Variants in LIN7A observed in about 807,000 individuals in gnomAD.
The protein encoded by LIN7A is lin-7 cell polarity scaffold A, also known as protein lin-7 homolog A.
Under a neutral mutation model 29.8 loss-of-function variants are expected in LIN7A, and 25 were observed. That is an observed-to-expected ratio of 0.84 (90% CI 0.61 to 1.17). The LOEUF is 1.17. Ranked by LOEUF, LIN7A falls within the 50% of genes most tolerant of loss-of-function variation. LIN7A has a pLI of 0.00. For missense variants in LIN7A, 239 were observed against 287.0 expected (o/e 0.83, Z 1.21); for synonymous variants, 118 against 107.5 (o/e 1.10, Z -0.60).
At chr12:80,857,195 T>C (rs940064645) in intron 2 of LIN7A, among the ~76,000 whole-genome samples, 2 of 152,212 alleles carry the variant, frequency 1.3e-5, no homozygotes, top group African/African-American at 4.8e-5. Context: ...TTCCACCTTC[T>C]AGGCCAAGCC....
intron 4 of LIN7A, among the ~76,000 whole-genome samples, chr12:80,840,112 C>G (rs933270604): frequency 1.3e-5 from 2 of 151,892 alleles, no homozygotes; most frequent in South Asian, 4.2e-4. Flanking sequence ...CCATCAGTAC[C>G]AGTAAAATAT....
intron 1 of LIN7A, among the ~76,000 whole-genome samples, chr12:80,922,585 G>A (rs973715173): frequency 6.6e-6 from 1 of 152,150 alleles, no homozygotes; most frequent in African/African-American, 2.4e-5. Flanking sequence ...ATCAAAATAT[G>A]CTGGTACTTT....
At chr12:80,877,265 T>C (rs1304948335) in intron 2 of LIN7A, among the ~76,000 whole-genome samples, 2 of 152,052 alleles carry the variant, frequency 1.3e-5, no homozygotes, top group Admixed American at 6.6e-5. Flanking sequence ...AGTGATAACC[T>C]GGAAATAACT....
intron 1 of LIN7A, chr12:80,937,025 C>T (rs1245846945): frequency 6.6e-6 from 1 of 152,160 alleles, no homozygotes; most frequent in Non-Finnish European, 1.5e-5. Context: ...TGCTGGGGCT[C>T]GGCTCCCCGC....
intron 1 of LIN7A, among the ~76,000 whole-genome samples, chr12:80,890,893 T>C (rs551657312): frequency 6.6e-6 from 1 of 152,162 alleles, no homozygotes; most frequent in South Asian, 2.1e-4. Context: ...TGAGACCCTA[T>C]CTCTAAAACA....
intron 1 of LIN7A, among the ~76,000 whole-genome samples, chr12:80,901,087 A>G (rs1243669362): frequency 6.6e-6 from 1 of 152,178 alleles, no homozygotes; most frequent in African/African-American, 2.4e-5. Flanking sequence ...ACTTTTTTAG[A>G]AAATGAATAT....
chr12:80,795,756 G>A lies in LIN7A; in HGVS notation c.*1971C>T, dbSNP rs1870415746. Reference sequence around the variant, plus strand: ...TTGTTAAATGATAACTAAAATATATGTTTTATTAAATTTTTCTTATAAAAA... The same window carrying A: ...TTGTTAAATGATAACTAAAATATATATTTTATTAAATTTTTCTTATAAAAA... On this transcript the variant is annotated 3_prime_UTR_variant, in exon 6 of 6. Coordinates refer to ENST00000552864, the MANE Select transcript of LIN7A (RefSeq NM_004664.4). 6.6e-6 allele frequency: 1 copy of A among 152,028 alleles called. No individual in the cohort carries two copies. Among genetic ancestry groups the A allele is most frequent in the Non-Finnish European group, 1.5e-5 (1 of 67,960 alleles). 9.4% of individuals were successfully genotyped at this position (152,028 alleles called of 1,614,324 possible).
At chr12:80,890,785 C>G (rs796307754) in intron 1 of LIN7A, among the ~76,000 whole-genome samples, 2 of 152,098 alleles carry the variant, frequency 1.3e-5, no homozygotes, top group African/African-American at 4.8e-5. Context: ...AATAAGGTAC[C>G]AAGCTGAGAT....
intron 5 of LIN7A, among the ~76,000 whole-genome samples, chr12:80,803,988 G>T (rs987890264): frequency 6.6e-6 from 1 of 152,090 alleles, no homozygotes; most frequent in Non-Finnish European, 1.5e-5. Context: ...TTGAATCGTG[G>T]CCCTATTACT....
chr12:80,840,862 C>T (rs772986405), intron 4 of LIN7A, among the ~76,000 whole-genome samples: 1 of 152,156 alleles, frequency 6.6e-6, no homozygotes, highest in Non-Finnish European at 1.5e-5. Flanking sequence ...TTTTGAAATA[C>T]TCTGATCAGG....
At chr12:80,902,959 C>T (rs546369341) in intron 1 of LIN7A, among the ~76,000 whole-genome samples, 1 of 151,552 alleles carries the variant, frequency 6.6e-6, no homozygotes, top group East Asian at 2.0e-4. Context: ...AATGGTTTGA[C>T]CTCTTGCCCA....
intron 5 of LIN7A, among the ~76,000 whole-genome samples, chr12:80,807,079 T>TGTTTTTTG (rs1565883858): frequency 7.6e-6 from 1 of 131,916 alleles, no homozygotes; most frequent in African/African-American, 2.9e-5. Context: ...TTTTTTTTTT[T>TGTTTTTTG]TTTTTTTTTT....
intron 2 of LIN7A, among the ~76,000 whole-genome samples, chr12:80,887,639 C>T (rs895115269): frequency 6.6e-6 from 1 of 152,080 alleles, no homozygotes; most frequent in African/African-American, 2.4e-5. Context: ...AATAATAGAG[C>T]TTCAACATGA....
At chr12:80,808,756 C>T (rs921799120) in intron 5 of LIN7A, among the ~76,000 whole-genome samples, 14 of 152,156 alleles carry the variant, frequency 9.2e-5, no homozygotes, top group African/African-American at 2.9e-4. Flanking sequence ...CCACCTGCCT[C>T]GGCCTCCCAA....
intron 3 of LIN7A, among the ~76,000 whole-genome samples, chr12:80,847,459 G>A (rs750820907): frequency 6.6e-5 from 10 of 152,198 alleles, no homozygotes; most frequent in East Asian, 1.9e-4. Flanking sequence ...CTAAACAAGC[G>A]TTGATGTAAC....
intron 4 of LIN7A, among the ~76,000 whole-genome samples, chr12:80,814,335 T>C (rs1871434526): frequency 6.6e-6 from 1 of 152,226 alleles, no homozygotes; most frequent in African/African-American, 2.4e-5. Flanking sequence ...ATAATTTTCC[T>C]TTGAAAGGAA....
At chr12:80,818,514 C>A (rs916683123) in intron 4 of LIN7A, among the ~76,000 whole-genome samples, 1 of 151,988 alleles carries the variant, frequency 6.6e-6, no homozygotes, top group East Asian at 1.9e-4. Context: ...TTTCTAGAGT[C>A]GAGGCTCTTA....
intron 1 of LIN7A, among the ~76,000 whole-genome samples, chr12:80,922,559 C>T (rs1877370646): frequency 6.6e-6 from 1 of 152,142 alleles, no homozygotes; most frequent in Admixed American, 6.5e-5. Flanking sequence ...TTCACTAGCA[C>T]AGCCTGGGAA....
chr12:80,889,402 A>G (rs968928382), intron 1 of LIN7A, 33 bp from the exon 2 acceptor site: 2 of 1,309,094 alleles, frequency 1.5e-6, no homozygotes, highest in East Asian at 2.3e-5. Context: ...AGAGAAACCT[A>G]GAATAAATTG....
Sources: allele counts gnomAD v4.1 joint callset (sites outside exome capture counted in the v4.1 genomes callset), GRCh38; gene constraint gnomAD v4.1.1; transcripts MANE v1.5; gene names NCBI Gene and HGNC (gene_info 2026-07-23, HGNC 2026-07-21).